Variants in CADPS observed in about 807,000 individuals in gnomAD.
CADPS encodes calcium-dependent secretion activator 1.
A neutral mutation model predicts 167.3 loss-of-function variants in CADPS; 57 were observed. The observed-to-expected ratio is 0.34, with a 90% CI of 0.28 to 0.42. The LOEUF is 0.42. Ranked by LOEUF, CADPS falls within the 20% of genes least tolerant of loss-of-function variation. CADPS has a pLI of 1.00. For synonymous variants in CADPS, 676 were observed against 635.3 expected, an observed-to-expected ratio of 1.06 and a Z score of -0.96; for missense variants, 1,414 against 1,738.1, an observed-to-expected ratio of 0.81 and a Z score of 3.32.
chr3:62,639,042 C>T (rs1211856742), intron 6 of CADPS, among the ~76,000 whole-genome samples: 1 of 152,086 alleles, frequency 6.6e-6, no homozygotes, highest in African/African-American at 2.4e-5. Flanking sequence ...TGCCCACCTT[C>T]ACCCTCCAGC....
chr3:62,752,888 C>CTAGA (rs1342343275), intron 3 of CADPS, among the ~76,000 whole-genome samples: 1 of 152,258 alleles, frequency 6.6e-6, no homozygotes, highest in African/African-American at 2.4e-5. Context: ...AATCCTCCAT[C>CTAGA]TAGAGGAAAT....
At chr3:62,562,877 A>G (rs57847735) in intron 9 of CADPS, among the ~76,000 whole-genome samples, 2,212 of 152,360 alleles carry the variant, frequency 0.015, 33 homozygotes, top group African/African-American at 0.046. Context: ...CACTGGGCCA[A>G]AGAAAGCTAA....
At chr3:62,775,602 G>C (rs576336610) in intron 1 of CADPS, among the ~76,000 whole-genome samples, 119 of 152,216 alleles carry the variant, frequency 7.8e-4, no homozygotes, top group Admixed American at 2.0e-3. Flanking sequence ...TGAAGTAACA[G>C]GCTCCCTCCA....
intron 6 of CADPS, among the ~76,000 whole-genome samples, chr3:62,636,699 G>A (rs2066382088): frequency 6.6e-6 from 1 of 152,162 alleles, no homozygotes; most frequent in Non-Finnish European, 1.5e-5. Context: ...TCTAGCCTCT[G>A]GAACAATGGC....
intron 1 of CADPS, among the ~76,000 whole-genome samples, chr3:62,769,816 A>T (rs775394662): frequency 2.6e-5 from 4 of 152,134 alleles, no homozygotes; most frequent in African/African-American, 4.8e-5. Context: ...AGTCCTGGTG[A>T]TACCACTCAC....
At position 62,636,026 on chromosome 3, in the gene CADPS, C is replaced by A. The variant is rs112082162; in HGVS notation, c.1325+9696G>T. Among the ~76,000 whole-genome samples the A allele has an allele frequency of 3.7e-3, 567 of 152,290 alleles. 1 individual carries two copies. The highest frequency in any genetic ancestry group is 0.013 in the African/African-American group (540 of 41,560). ...GCGTCTTTAGCTTCTTTAGTTCACACCAACTGACTTTGATGGTCTGTGCTG... is the reference window on the plus strand; with the variant it reads ...GCGTCTTTAGCTTCTTTAGTTCACAACAACTGACTTTGATGGTCTGTGCTG... On this transcript the variant is annotated intron_variant, in intron 6 of 29. Coordinates refer to ENST00000383710, the MANE Select transcript of CADPS (RefSeq NM_003716.4).
chr3:62,431,130 G>A (rs925359109), intron 28 of CADPS, among the ~76,000 whole-genome samples: 8 of 152,234 alleles, frequency 5.3e-5, no homozygotes, highest in Admixed American at 5.2e-4. Context: ...GATTTGGAGG[G>A]CTTAATTTCA....
At chr3:62,674,289 C>T (rs965207173) in intron 3 of CADPS, among the ~76,000 whole-genome samples, 1 of 152,154 alleles carries the variant, frequency 6.6e-6, no homozygotes. Context: ...CTGTCACATG[C>T]ACCACTGTTT....
Position 62,421,137 on chromosome 3 carries a change from A to C in CADPS, c.3777+16967T>G, listed in dbSNP as rs1329890776. ...TCAGATGGGTCTAGGGCCTGAGCAC[A>C]GAGAGTTAAATCATAAATTAGCCAT... On this transcript the variant is annotated intron_variant, in intron 28 of 29. Coordinates refer to ENST00000383710, the MANE Select transcript of CADPS (RefSeq NM_003716.4). This position sits in a 1 kb window ranked among gnomAD's most constrained non-coding sequence, Gnocchi z 4.7. 6.6e-6 allele frequency among the ~76,000 whole-genome samples: 1 copy of C among 152,148 alleles called. No homozygotes were observed. Among genetic ancestry groups the C allele is most frequent in the Middle Eastern group, 3.2e-3 (1 of 316 alleles).
At chr3:62,667,976 G>A (rs2150671770) in intron 3 of CADPS, among the ~76,000 whole-genome samples, 1 of 152,222 alleles carries the variant, frequency 6.6e-6, no homozygotes, top group Admixed American at 6.5e-5. Flanking sequence ...CCTTGACAGT[G>A]CGCCTGGGAG....
chr3:62,850,889 T>C (rs187551906), intron 1 of CADPS, among the ~76,000 whole-genome samples: 61 of 152,032 alleles, frequency 4.0e-4, no homozygotes, highest in African/African-American at 1.4e-3. Context: ...CAGTCTCCCA[T>C]TATTAATGTG....
intron 1 of CADPS, among the ~76,000 whole-genome samples, chr3:62,839,560 G>A (rs1487021659): frequency 1.3e-5 from 2 of 152,196 alleles, no homozygotes; most frequent in African/African-American, 4.8e-5. Flanking sequence ...GCAGTAGGGT[G>A]AGGCTAGACC....
At chr3:62,542,129 T>C (rs756723336) in intron 11 of CADPS, among the ~76,000 whole-genome samples, 4 of 152,202 alleles carry the variant, frequency 2.6e-5, no homozygotes, top group Non-Finnish European at 5.9e-5. Flanking sequence ...ACAAATTGTC[T>C]GAAAGAGGCT....
At chr3:62,549,333 A>T (rs2076965766) in intron 11 of CADPS, among the ~76,000 whole-genome samples, 1 of 152,168 alleles carries the variant, frequency 6.6e-6, no homozygotes, top group Admixed American at 6.5e-5. Context: ...AAATGTATGC[A>T]GAGGTAAGAG....
At chr3:62,614,678 G>A (rs1267770048) in intron 6 of CADPS, among the ~76,000 whole-genome samples, 6 of 152,088 alleles carry the variant, frequency 3.9e-5, no homozygotes, top group Non-Finnish European at 7.4e-5. Flanking sequence ...GTAGATATGT[G>A]CATGATGTAT....
At chr3:62,837,588 T>G (rs1471521596) in intron 1 of CADPS, among the ~76,000 whole-genome samples, 2 of 152,214 alleles carry the variant, frequency 1.3e-5, no homozygotes, top group Non-Finnish European at 2.9e-5. Flanking sequence ...CTGTTTCGTT[T>G]TGATACAGTG....
At chr3:62,593,141 A>C (rs1463564052) in intron 6 of CADPS, among the ~76,000 whole-genome samples, 1 of 152,178 alleles carries the variant, frequency 6.6e-6, no homozygotes, top group Admixed American at 6.5e-5. Context: ...ATGGGGCTTC[A>C]TTTGGTTCAA....
At chr3:62,549,641 T>C (rs1020576158) in intron 11 of CADPS, among the ~76,000 whole-genome samples, 1 of 152,152 alleles carries the variant, frequency 6.6e-6, no homozygotes, top group Non-Finnish European at 1.5e-5. Flanking sequence ...GTGAATTCTG[T>C]ACTCTCACCA....
At chr3:62,405,146 G>T (rs948653439) in intron 28 of CADPS, among the ~76,000 whole-genome samples, 4 of 150,084 alleles carry the variant, frequency 2.7e-5, no homozygotes, top group South Asian at 2.1e-4. Context: ...TGGGGGGGGG[G>T]GGGGCTCAAC....
Sources: gnomAD v4.1 joint callset for allele counts (sites outside exome capture counted in the v4.1 genomes callset) on GRCh38, gnomAD v4.1.1 for gene constraint, Gnocchi (gnomAD v3.1) non-coding constraint, MANE v1.5 for transcripts, NCBI Gene and HGNC (gene_info 2026-07-23, HGNC 2026-07-21) for gene names.